Variants in TARP observed in about 807,000 individuals in gnomAD.
the TARP span, chr7:38,265,346 T>C: frequency 3.7e-6 from 6 of 1,601,238 alleles, 1 homozygote; most frequent in African/African-American, 5.5e-5. Flanking sequence ...CGTAAACACA[T>C]ACCTGTCTTT....
the TARP span, among the ~76,000 whole-genome samples, chr7:38,260,392 A>G: frequency 5.7e-5 from 8 of 141,242 alleles, no homozygotes; most frequent in Admixed American, 4.8e-4. Context: ...AGAGTCAGAC[A>G]AGTCAGAATT....
the TARP span, among the ~76,000 whole-genome samples, chr7:38,268,784 T>A: frequency 6.6e-6 from 1 of 151,670 alleles, no homozygotes; most frequent in Non-Finnish European, 1.5e-5. Context: ...AACCTTCCAT[T>A]TGAGCAGTTA....
At chr7:38,263,937 T>A in the TARP span, among the ~76,000 whole-genome samples, 52 of 151,998 alleles carry the variant, frequency 3.4e-4, no homozygotes, top group African/African-American at 1.2e-3. Flanking sequence ...GTTTTCAATG[T>A]CTTTTTATTT....
chr7:38,265,879 A>G, the TARP span, among the ~76,000 whole-genome samples: 2 of 151,614 alleles, frequency 1.3e-5, no homozygotes, highest in Admixed American at 6.6e-5. Flanking sequence ...GAATCAAGAC[A>G]TTAAATAACT....
the TARP span, among the ~76,000 whole-genome samples, chr7:38,268,959 TG>T: frequency 4.3e-3 from 659 of 151,668 alleles, 7 homozygotes; most frequent in African/African-American, 0.015. Context: ...ATTCACACTA[TG>T]TTGTGCAATT....
At chr7:38,265,522 G>C in the TARP span, 21 of 1,611,904 alleles carry the variant, frequency 1.3e-5, no homozygotes, top group South Asian at 2.2e-4. Context: ...TCCCAGAATC[G>C]TGTTGCTCTT....
At chr7:38,270,389 A>G in the TARP span, among the ~76,000 whole-genome samples, 1 of 151,626 alleles carries the variant, frequency 6.6e-6, no homozygotes, top group African/African-American at 2.4e-5. Flanking sequence ...CACACGCCCA[A>G]TCTTTAATAG....
the TARP span, chr7:38,260,062 AG>A: frequency 1.3e-6 from 2 of 1,491,880 alleles, no homozygotes; most frequent in South Asian, 1.1e-5. Flanking sequence ...GATGAGGAAA[AG>A]ATGGCCTCCT....
chr7:38,269,297 T>C, the TARP span, among the ~76,000 whole-genome samples: 1 of 152,032 alleles, frequency 6.6e-6, no homozygotes, highest in Middle Eastern at 3.4e-3. Flanking sequence ...AGCCAAATCT[T>C]ATTATGATAT....
At chr7:38,266,906 CTT>C in the TARP span, among the ~76,000 whole-genome samples, 1 of 151,740 alleles carries the variant, frequency 6.6e-6, no homozygotes, top group African/African-American at 2.4e-5. Context: ...CAGAAATACT[CTT>C]GTGTTAATCT....
At chr7:38,269,747 T>G in the TARP span, among the ~76,000 whole-genome samples, 1 of 151,936 alleles carries the variant, frequency 6.6e-6, no homozygotes, top group Admixed American at 6.6e-5. Flanking sequence ...CAGTTCAACA[T>G]CGCTACCAGC....
chr7:38,264,120 T>C, the TARP span, among the ~76,000 whole-genome samples: 1 of 151,970 alleles, frequency 6.6e-6, no homozygotes, highest in African/African-American at 2.4e-5. Context: ...TGGACCAGAT[T>C]AGTTTTATCT....
the TARP span, among the ~76,000 whole-genome samples, chr7:38,268,811 C>T: frequency 6.6e-6 from 1 of 151,500 alleles, no homozygotes; most frequent in African/African-American, 2.4e-5. Context: ...CAGCTGAATC[C>T]TCTGGAGAAT....
the TARP span, among the ~76,000 whole-genome samples, chr7:38,268,822 T>G: frequency 1.3e-5 from 2 of 151,572 alleles, no homozygotes; most frequent in Non-Finnish European, 2.9e-5. Flanking sequence ...TCTGGAGAAT[T>G]GCTGCTCTGT....
chr7:38,263,734 A>C, the TARP span, among the ~76,000 whole-genome samples: 7 of 151,616 alleles, frequency 4.6e-5, no homozygotes, highest in Non-Finnish European at 8.8e-5. Flanking sequence ...TTGGTTTATT[A>C]TTTTTCTAGT....
At chr7:38,271,341 C>A in the TARP span, among the ~76,000 whole-genome samples, 1 of 151,284 alleles carries the variant, frequency 6.6e-6, no homozygotes. Flanking sequence ...ATAGAAAGTG[C>A]CAGAACTTAA....
chr7:38,262,704 T>C, the TARP span, among the ~76,000 whole-genome samples: 5 of 151,146 alleles, frequency 3.3e-5, no homozygotes, highest in Non-Finnish European at 5.9e-5. Context: ...TGGAGTGGAG[T>C]ATAGTACGGT....
At chr7:38,272,511 C>G in the TARP span, among the ~76,000 whole-genome samples, 1 of 137,586 alleles carries the variant, frequency 7.3e-6, no homozygotes, top group Non-Finnish European at 1.5e-5. Flanking sequence ...AGTATGATTC[C>G]AACTTTGTAA....
the TARP span, among the ~76,000 whole-genome samples, chr7:38,273,366 C>T: frequency 1.3e-5 from 2 of 150,954 alleles, no homozygotes; most frequent in African/African-American, 4.9e-5. Context: ...CATAAGGCCT[C>T]CATCCTTTAG....
Sources: allele counts gnomAD v4.1 joint callset (sites outside exome capture counted in the v4.1 genomes callset), GRCh38; gene constraint gnomAD v4.1.1; transcripts MANE v1.5.